MGAT4C: variants seen among roughly 807,000 people sequenced by gnomAD.
MGAT4C encodes the protein alpha-1,3-mannosyl-glycoprotein 4-beta-N-acetylglucosaminyltransferase C.
Under a neutral mutation model 40.1 loss-of-function variants are expected in MGAT4C, and 19 were observed. The observed-to-expected ratio is 0.47, with a 90% CI of 0.33 to 0.70. The LOEUF (loss-of-function observed/expected upper bound fraction) is 0.70, where lower values mean the gene tolerates loss of function less well. Among genes scored for constraint, MGAT4C ranks in the 30% least tolerant of loss-of-function variants. MGAT4C has a pLI of 0.02. For synonymous variants in MGAT4C, 181 were observed against 187.1 expected, an observed-to-expected ratio of 0.97 and a Z score of 0.27; for missense variants, 491 against 563.2, an observed-to-expected ratio of 0.87 and a Z score of 1.30.
rs58623630 is a variant in MGAT4C, at chr12:86,155,467, C to T, written c.-57+100772G>A. On this transcript the variant is annotated intron_variant, in intron 1 of 4. Transcript: ENST00000611864. ...ATACATTCGTAATGTGGTTTAGGTG[C>T]TCTAAACAGGACATGATTATGGTAG... 3.2e-3 allele frequency among the ~76,000 whole-genome samples: 492 copies of T among 152,126 alleles called. 2 individuals carry two copies. The highest frequency in any genetic ancestry group is 0.012 in the African/African-American group (480 of 41,510).
At position 86,667,710 on chromosome 12, in the gene MGAT4C, A is replaced by G. The variant is rs563934201; in HGVS notation, c.-229+59499T>C. ...TGTATTTATGAATACTAAAATTTGA[A>G]TTTTTGCATGATCCAAAATATGATT... On this transcript the variant is annotated intron_variant, in intron 2 of 7. Transcript: ENST00000548651. Among the ~76,000 whole-genome samples, 9 of 152,334 alleles carry G rather than the reference A, an allele frequency of 5.9e-5. 1 individual carries two copies. The East Asian group carries it at 1.7e-3, about 29-fold the overall frequency.
At chr12:86,273,661 A>G (rs1009621342) in intron 4 of MGAT4C, among the ~76,000 whole-genome samples, 1 of 152,202 alleles carries the variant, frequency 6.6e-6, no homozygotes, top group African/African-American at 2.4e-5. Flanking sequence ...ACCATAACAT[A>G]GGGTCATTAT....
chr12:86,658,394 A>G lies in MGAT4C; in HGVS notation c.-229+68815T>C, dbSNP rs532614345. On this transcript the variant is annotated intron_variant, in intron 2 of 7. Transcript: ENST00000548651. The stretch of plus-strand genomic sequence containing the variant: ...CCATTAAGTTTCAAGAGAGACAAGC[A>G]TTTAAGGACATTCTTATCCTCTTGT... Among the ~76,000 whole-genome samples the G allele has an allele frequency of 7.2e-5, 11 of 152,192 alleles. No individual in the cohort carries two copies. In the South Asian group the frequency reaches 1.9e-3, roughly 26 times the overall value.
chr12:86,231,008 A>G (rs1951299349), intron 1 of MGAT4C, among the ~76,000 whole-genome samples: 1 of 151,986 alleles, frequency 6.6e-6, no homozygotes, highest in African/African-American at 2.4e-5. Context: ...GATGCCTACT[A>G]TAGTTGAGGT....
intron 1 of MGAT4C, among the ~76,000 whole-genome samples, chr12:86,788,156 TACAC>T (rs1319217182): frequency 6.6e-6 from 1 of 151,130 alleles, no homozygotes; most frequent in Non-Finnish European, 1.5e-5. Flanking sequence ...CATATACATA[TACAC>T]ATATATATGT....
intron 1 of MGAT4C, among the ~76,000 whole-genome samples, chr12:86,142,544 T>G (rs931415246): frequency 6.6e-6 from 1 of 152,196 alleles, no homozygotes; most frequent in Non-Finnish European, 1.5e-5. Context: ...CCAATCCTGC[T>G]TTCTCTCATT....
intron 1 of MGAT4C, among the ~76,000 whole-genome samples, chr12:86,254,527 C>T (rs1184914724): frequency 6.6e-6 from 1 of 151,938 alleles, no homozygotes; most frequent in African/African-American, 2.4e-5. Flanking sequence ...AAATGCTTTT[C>T]CCTTAGTTAA....
At chr12:86,555,451 CG>C (rs916562318) in intron 2 of MGAT4C, among the ~76,000 whole-genome samples, 2 of 152,034 alleles carry the variant, frequency 1.3e-5, no homozygotes, top group African/African-American at 4.8e-5. Flanking sequence ...GGAACATGTC[CG>C]GGGTCCAGGG....
chr12:86,372,693 T>C (rs561958783), intron 3 of MGAT4C, among the ~76,000 whole-genome samples: 19 of 152,032 alleles, frequency 1.2e-4, no homozygotes, highest in Non-Finnish European at 2.4e-4. Flanking sequence ...TAATTAAATA[T>C]ATTTGGTAAA....
intron 3 of MGAT4C, among the ~76,000 whole-genome samples, chr12:86,434,001 A>G (rs1388607519): frequency 6.6e-6 from 1 of 152,080 alleles, no homozygotes; most frequent in Non-Finnish European, 1.5e-5. Flanking sequence ...AAGTTATCAG[A>G]TAAGCATGAA....
intron 3 of MGAT4C, among the ~76,000 whole-genome samples, chr12:86,428,262 T>A (rs963836106): frequency 3.3e-5 from 5 of 152,194 alleles, no homozygotes; most frequent in Non-Finnish European, 5.9e-5. Flanking sequence ...GGTTAATTGC[T>A]CAAGTTCCTA....
intron 2 of MGAT4C, among the ~76,000 whole-genome samples, chr12:86,620,940 G>A (rs1453530032): frequency 6.6e-6 from 1 of 152,010 alleles, no homozygotes. Context: ...GTTTCCTAAG[G>A]CTTCCCCAGA....
intron 2 of MGAT4C, among the ~76,000 whole-genome samples, chr12:86,492,582 C>G (rs949654664): frequency 1.3e-5 from 2 of 152,198 alleles, no homozygotes; most frequent in Admixed American, 6.5e-5. Flanking sequence ...GCTGGGAAAA[C>G]TGGCTAGCCA....
intron 2 of MGAT4C, among the ~76,000 whole-genome samples, chr12:86,457,023 G>C (rs1045426301): frequency 6.6e-6 from 1 of 152,004 alleles, no homozygotes; most frequent in Non-Finnish European, 1.5e-5. Context: ...AATCTCAGAT[G>C]GTCCAGGACG....
At chr12:86,765,272 T>G (rs112831648) in intron 1 of MGAT4C, among the ~76,000 whole-genome samples, 2,882 of 152,132 alleles carry the variant, frequency 0.019, 33 homozygotes, top group African/African-American at 0.038. Context: ...ACCAGTGATG[T>G]AAGATCAAAT....
At chr12:86,269,882 G>T (rs1245186053) in intron 4 of MGAT4C, among the ~76,000 whole-genome samples, 1 of 151,994 alleles carries the variant, frequency 6.6e-6, no homozygotes, top group Admixed American at 6.6e-5. Flanking sequence ...CATATGAATT[G>T]TAGTTTTTTA....
chr12:86,505,874 A>G lies in MGAT4C; in HGVS notation c.-228-70609T>C, dbSNP rs370562711. Among the ~76,000 whole-genome samples the G allele has an allele frequency of 4.6e-5, 7 of 152,340 alleles. No individual in the cohort carries two copies. In the East Asian group the frequency reaches 7.7e-4, roughly 17 times the overall value. The stretch of plus-strand genomic sequence containing the variant: ...TTTCATCATTCTTAGGGAGAAACAA[A>G]TGGCCCAAAATAGGGCCCTTTAAAT... On this transcript the variant is annotated intron_variant, in intron 2 of 7. Transcript: ENST00000548651.
intron 2 of MGAT4C, among the ~76,000 whole-genome samples, chr12:86,536,923 G>A (rs1394807868): frequency 6.6e-6 from 1 of 152,162 alleles, no homozygotes; most frequent in Non-Finnish European, 1.5e-5. Context: ...GCACATATAT[G>A]TTTATTGAGG....
intron 2 of MGAT4C, among the ~76,000 whole-genome samples, chr12:86,438,864 T>TA (rs1043900426): frequency 1.1e-4 from 17 of 150,318 alleles, no homozygotes; most frequent in African/African-American, 3.2e-4. Flanking sequence ...GCAACAAAAG[T>TA]AAAAAAAATA....
Sources: gnomAD v4.1 joint callset for allele counts (sites outside exome capture counted in the v4.1 genomes callset) on GRCh38, gnomAD v4.1.1 for gene constraint, MANE v1.5 for transcripts, NCBI Gene and HGNC (gene_info 2026-07-23, HGNC 2026-07-21) for gene names.